The following NBAS variants were observed in gnomAD, a reference collection of about 807,000 sequenced individuals.
NBAS encodes NBAS subunit of NRZ tethering complex.
Under a neutral mutation model 302.5 loss-of-function variants are expected in NBAS, and 219 were observed. The ratio of observed to expected loss-of-function variants is 0.72; its 90% CI spans 0.65 to 0.81. The LOEUF (loss-of-function observed/expected upper bound fraction) is 0.81. NBAS is among the 30% of genes least tolerant of loss of function. The probability of loss-of-function intolerance (pLI) is 0.00; values close to 1 mark genes in which losing one functional copy is unlikely to be tolerated. For synonymous variants in NBAS, 1,118 were observed against 1,021.6 expected (o/e 1.09, Z -1.80); for missense variants, 2,932 against 2,841.6 (o/e 1.03, Z -0.72).
chr2:15,441,367 A>C (rs983288614), intron 21 of NBAS, among the ~76,000 whole-genome samples: 2,951 of 152,282 alleles, frequency 0.019, 67 homozygotes, highest in Admixed American at 0.065. Context: ...TTCTTAAAGA[A>C]AAGAATTTTC....
intron 26 of NBAS, among the ~76,000 whole-genome samples, chr2:15,399,902 C>G (rs1264420980): frequency 1.3e-5 from 2 of 152,068 alleles, no homozygotes; most frequent in African/African-American, 4.8e-5. Context: ...TCAAAATTCA[C>G]AAGATAAGGA....
At chr2:15,255,812 C>G (rs1668566345) in intron 44 of NBAS, among the ~76,000 whole-genome samples, 1 of 152,088 alleles carries the variant, frequency 6.6e-6, no homozygotes, top group Non-Finnish European at 1.5e-5. Flanking sequence ...ATAGAGTGAC[C>G]TTTCCCCACT....
chr2:15,468,715 T>C (rs905789421), intron 16 of NBAS, among the ~76,000 whole-genome samples, 182 bp from the exon 17 acceptor site: 2 of 152,192 alleles, frequency 1.3e-5, no homozygotes, highest in Non-Finnish European at 1.5e-5. Flanking sequence ...TGACTACAAC[T>C]GGATGCGGGG....
chr2:15,519,819 G>C (rs571478194), intron 9 of NBAS, among the ~76,000 whole-genome samples: 1 of 152,158 alleles, frequency 6.6e-6, no homozygotes, highest in East Asian at 1.9e-4. Context: ...GAGAACCACT[G>C]CTTTACTTTA....
Position 15,330,530 on chromosome 2 carries a change from C to A in NBAS, c.4347+68G>T, listed in dbSNP as rs992008000. The stretch of plus-strand genomic sequence containing the variant: ...GATAAAGATATAACAGTGAAAACAA[C>A]TGAAACATTGCTAATGAATTTATAT... On this transcript the variant is annotated intron_variant, in intron 36 of 51. Coordinates refer to ENST00000281513, the MANE Select transcript of NBAS (RefSeq NM_015909.4). 3 of 1,594,426 alleles carry A rather than the reference C, an allele frequency of 1.9e-6. No individual in the cohort carries two copies. In the African/African-American group the frequency reaches 4.0e-5, roughly 21 times the overall value.
At chr2:15,354,468 C>A (rs1037707248) in intron 33 of NBAS, among the ~76,000 whole-genome samples, 4 of 151,898 alleles carry the variant, frequency 2.6e-5, no homozygotes, top group African/African-American at 9.7e-5. Flanking sequence ...CAGCTATTAC[C>A]CTTACCAGAA....
the NBAS span, among the ~76,000 whole-genome samples, chr2:14,971,072 A>G: frequency 6.6e-6 from 1 of 152,204 alleles, no homozygotes; most frequent in East Asian, 1.9e-4. Context: ...TTTAAATTTT[A>G]TTCATTTTTC....
At chr2:14,982,275 T>C in the NBAS span, among the ~76,000 whole-genome samples, 1 of 152,128 alleles carries the variant, frequency 6.6e-6, no homozygotes, top group African/African-American at 2.4e-5. Flanking sequence ...CCAAGATGAC[T>C]GCAGACGTGC....
At chr2:15,042,699 C>A in the NBAS span, among the ~76,000 whole-genome samples, 6 of 152,122 alleles carry the variant, frequency 3.9e-5, no homozygotes, top group African/African-American at 1.4e-4. Context: ...ACTGCCAGGT[C>A]CAAGGGAAGA....
intron 28 of NBAS, among the ~76,000 whole-genome samples, chr2:15,384,121 A>G (rs567333850): frequency 6.6e-6 from 1 of 152,322 alleles, no homozygotes; most frequent in African/African-American, 2.4e-5. Context: ...CCAATCAGGG[A>G]TCTGTTTTAT....
At chr2:15,380,055 TAGAA>T (rs1483894615) in intron 29 of NBAS, among the ~76,000 whole-genome samples, 1 of 152,164 alleles carries the variant, frequency 6.6e-6, no homozygotes, top group Non-Finnish European at 1.5e-5. Flanking sequence ...GTCAATCTTT[TAGAA>T]AGAATAATTT....
chr2:15,187,016 T>C (rs1210647596), intron 49 of NBAS, 136 bp from the exon 50 acceptor site: 7 of 1,298,932 alleles, frequency 5.4e-6, no homozygotes, highest in Non-Finnish European at 7.6e-6. Context: ...CAAGTCAACC[T>C]TGTAGAAAAG....
At chr2:15,237,966 G>A (rs557729007) in intron 45 of NBAS, among the ~76,000 whole-genome samples, 18 of 151,984 alleles carry the variant, frequency 1.2e-4, no homozygotes, top group Admixed American at 8.5e-4. Flanking sequence ...TAGTAGAGAC[G>A]GGGTTTCACC....
At chr2:15,150,131 G>A in the NBAS span, among the ~76,000 whole-genome samples, 5 of 151,902 alleles carry the variant, frequency 3.3e-5, no homozygotes, top group East Asian at 7.7e-4. Flanking sequence ...AATTATATGG[G>A]AAGCATTGTG....
chr2:15,135,443 T>C, the NBAS span, among the ~76,000 whole-genome samples: 1 of 152,170 alleles, frequency 6.6e-6, no homozygotes, highest in Non-Finnish European at 1.5e-5. Flanking sequence ...CATCAGGCAG[T>C]GAGCGGGCAC....
the NBAS span, among the ~76,000 whole-genome samples, chr2:14,811,934 G>A: frequency 1.3e-5 from 2 of 152,176 alleles, no homozygotes; most frequent in Admixed American, 6.5e-5. Flanking sequence ...AAGAAATCAT[G>A]AGCCCCATTT....
chr2:14,964,847 C>G, the NBAS span, among the ~76,000 whole-genome samples: 1 of 151,998 alleles, frequency 6.6e-6, no homozygotes, highest in Admixed American at 6.6e-5. Flanking sequence ...GTTGTCCAGC[C>G]AAATGAAATT....
At chr2:14,882,417 GA>G in the NBAS span, among the ~76,000 whole-genome samples, 2 of 152,080 alleles carry the variant, frequency 1.3e-5, no homozygotes, top group Non-Finnish European at 2.9e-5. Context: ...ATGAACCCTG[GA>G]AAAGATAGGA....
the NBAS span, among the ~76,000 whole-genome samples, chr2:15,017,591 A>C: frequency 6.6e-6 from 1 of 152,102 alleles, no homozygotes; most frequent in Non-Finnish European, 1.5e-5. Context: ...TTATCAGGGA[A>C]ATGCAAATCA....
Sources: gnomAD v4.1 joint callset for allele counts (sites outside exome capture counted in the v4.1 genomes callset) on GRCh38, gnomAD v4.1.1 for gene constraint, MANE v1.5 for transcripts, NCBI Gene and HGNC (gene_info 2026-07-23, HGNC 2026-07-21) for gene names.